Variants in TDRD9 observed in about 807,000 individuals in gnomAD.
The protein encoded by TDRD9 is ATP-dependent RNA helicase TDRD9.
TDRD9 carries 124 observed loss-of-function variants against 172.6 expected under a neutral mutation model. The ratio of observed to expected loss-of-function variants is 0.72; its 90% confidence interval spans 0.62 to 0.83. The LOEUF is 0.83. Among genes scored for constraint, TDRD9 ranks in the 40% least tolerant of loss-of-function variants. The pLI is 0.00. For missense variants in TDRD9, 1,479 were observed against 1,714.1 expected (o/e 0.86, Z 2.42); for synonymous variants, 619 against 617.1 (o/e 1.00, Z -0.05).
At chr14:104,022,413 CA>C in intron 24 of TDRD9, 83 bp downstream of exon 24, 1 of 1,388,262 alleles carries the variant, frequency 7.2e-7, no homozygotes, top group Middle Eastern at 1.8e-4. Context: ...GTTGATCTGG[CA>C]TTGCTTCAGA....
chr14:104,048,691 C>T (rs2035852681), intron 34 of TDRD9, among the ~76,000 whole-genome samples: 1 of 152,124 alleles, frequency 6.6e-6, no homozygotes, highest in African/African-American at 2.4e-5. Flanking sequence ...GTGTGGAGGG[C>T]CTGCTCCCCC....
rs150938600 is a variant in TDRD9, at chr14:103,963,408, G to A, written c.420+232G>A. The stretch of plus-strand genomic sequence containing the variant: ...CTGTGCTTTAATTTCTTTAGTCTTC[G>A]CCTGAGTACATCTTCTAACATTTAG... On this transcript the variant is annotated intron_variant, in intron 3 of 35. Transcript: ENST00000409874. Among the ~76,000 whole-genome samples the A allele has an allele frequency of 6.6e-3, 1,005 of 152,220 alleles. 7 individuals carry two copies. Among genetic ancestry groups the A allele is most frequent in the Non-Finnish European group, 0.01 (682 of 68,008 alleles).
At chr14:103,970,081 C>T (rs369520903) in intron 5 of TDRD9, among the ~76,000 whole-genome samples, 4 of 152,150 alleles carry the variant, frequency 2.6e-5, no homozygotes, top group Admixed American at 6.5e-5. Context: ...ACATGGCTCC[C>T]GGTCAGTGTT....
chr14:103,934,326 T>G (rs1227830433), intron 1 of TDRD9, among the ~76,000 whole-genome samples: 1 of 152,268 alleles, frequency 6.6e-6, no homozygotes, highest in East Asian at 1.9e-4. Context: ...TCCACATTTT[T>G]AAGACCTTTT....
In TDRD9 at chr14:103,943,300, C is replaced by T. The variant is rs567118375; in HGVS notation, c.216-12364C>T. On this transcript the variant is annotated intron_variant, in intron 1 of 35. Coordinates refer to ENST00000409874, the MANE Select transcript of TDRD9 (RefSeq NM_153046.3). ...TGCATGCCACCACAGGTGCATGCTA[C>T]GGCATGCCTGGCTAGTTTAAAAAAA... 4.4e-4 allele frequency among the ~76,000 whole-genome samples: 67 copies of T among 151,336 alleles called. 1 individual carries two copies. Among genetic ancestry groups the T allele is most frequent in the African/African-American group, 1.5e-3 (61 of 41,278 alleles).
intron 1 of TDRD9, among the ~76,000 whole-genome samples, chr14:103,947,010 C>CT (rs61498557): frequency 0.053 from 8,080 of 152,104 alleles, 436 homozygotes; most frequent in Admixed American, 0.14. Context: ...ATCCTAATGA[C>CT]TTTTTTTTCA....
At chr14:103,968,884 A>G (rs1191906277) in intron 5 of TDRD9, among the ~76,000 whole-genome samples, 1 of 149,622 alleles carries the variant, frequency 6.7e-6, no homozygotes, top group Non-Finnish European at 1.5e-5. Flanking sequence ...GCGGATCACC[A>G]GGTCAGGAGA....
chr14:103,948,684 A>G (rs1438224600), intron 1 of TDRD9, among the ~76,000 whole-genome samples: 1 of 152,158 alleles, frequency 6.6e-6, no homozygotes, highest in Admixed American at 6.5e-5. Flanking sequence ...CCTTGAGGAC[A>G]TTATGCTAAA....
chr14:104,032,622 G>T (rs548250407), intron 30 of TDRD9, among the ~76,000 whole-genome samples: 1 of 152,202 alleles, frequency 6.6e-6, no homozygotes, highest in African/African-American at 2.4e-5. Context: ...TTTTATCAAA[G>T]ACTACATTTT....
At chr14:104,036,363 A>G (rs1448845439) in intron 32 of TDRD9, among the ~76,000 whole-genome samples, 5 of 152,204 alleles carry the variant, frequency 3.3e-5, no homozygotes, top group African/African-American at 1.2e-4. Flanking sequence ...TAATTTTGCA[A>G]TGATGATGCA....
intron 20 of TDRD9, among the ~76,000 whole-genome samples, chr14:104,014,429 G>A (rs1328598219): frequency 1.3e-5 from 2 of 151,436 alleles, no homozygotes; most frequent in African/African-American, 2.4e-5. Flanking sequence ...ACAGGTCTGC[G>A]CCACCACGCC....
At chr14:104,047,826 A>G (rs967923016) in intron 34 of TDRD9, among the ~76,000 whole-genome samples, 1 of 152,176 alleles carries the variant, frequency 6.6e-6, no homozygotes, top group Non-Finnish European at 1.5e-5. Flanking sequence ...CATTTCAGTC[A>G]TTGTACTTTT....
At position 104,048,893 on chromosome 14, in the gene TDRD9, A is replaced by G. The variant is rs138583839; in HGVS notation, c.3975-715A>G. ...TTTTTCCCCCTCTGATCCAGATCAC[A>G]TAGCCTTTATGGCCCTGGGAGTGCT... On this transcript the variant is annotated intron_variant, in intron 34 of 35. Coordinates refer to ENST00000409874, the MANE Select transcript of TDRD9 (RefSeq NM_153046.3). Among the ~76,000 whole-genome samples, 1,144 of 152,268 alleles carry G rather than the reference A, an allele frequency of 7.5e-3. 13 individuals are homozygous for G. The highest frequency in any genetic ancestry group is 0.026 in the African/African-American group (1,096 of 41,530).
chr14:103,974,212 A>C (rs1363369828), intron 6 of TDRD9, among the ~76,000 whole-genome samples: 1 of 152,130 alleles, frequency 6.6e-6, no homozygotes, highest in Non-Finnish European at 1.5e-5. Context: ...AAAAATAAAA[A>C]AGTTTACTTT....
chr14:103,934,522 T>C (rs2030622770), intron 1 of TDRD9, among the ~76,000 whole-genome samples: 1 of 151,936 alleles, frequency 6.6e-6, no homozygotes, highest in Non-Finnish European at 1.5e-5. Context: ...CTCATGCCTG[T>C]AATCCCAGCA....
intron 30 of TDRD9, among the ~76,000 whole-genome samples, chr14:104,033,553 C>T (rs1307410844): frequency 6.6e-6 from 1 of 152,166 alleles, no homozygotes; most frequent in Non-Finnish European, 1.5e-5. Flanking sequence ...CAGCAGGCTT[C>T]TGCTGAGGGG....
chr14:104,047,165 T>C (rs1349032517), intron 34 of TDRD9, among the ~76,000 whole-genome samples: 1 of 152,244 alleles, frequency 6.6e-6, no homozygotes, highest in East Asian at 1.9e-4. Flanking sequence ...CTCTAATTTC[T>C]CTTAATACTG....
At chr14:103,934,747 A>C (rs1766358250) in intron 1 of TDRD9, among the ~76,000 whole-genome samples, 1 of 152,210 alleles carries the variant, frequency 6.6e-6, no homozygotes, top group Non-Finnish European at 1.5e-5. Flanking sequence ...GCGCCACTGC[A>C]CTCCAGCCTG....
At chr14:104,006,035 G>T (rs2034427081) in intron 15 of TDRD9, among the ~76,000 whole-genome samples, 1 of 152,146 alleles carries the variant, frequency 6.6e-6, no homozygotes, top group Non-Finnish European at 1.5e-5. Context: ...AGTTAAGGAA[G>T]TTTTTCCCCA....
Sources: allele counts gnomAD v4.1 joint callset (sites outside exome capture counted in the v4.1 genomes callset), GRCh38; gene constraint gnomAD v4.1.1; transcripts MANE v1.5; gene names NCBI Gene and HGNC (gene_info 2026-07-23, HGNC 2026-07-21).